Variants in KCNIP4 observed in about 807,000 individuals in gnomAD.
The protein encoded by KCNIP4 is Kv channel-interacting protein 4.
Under a neutral mutation model 34.0 loss-of-function variants are expected in KCNIP4, and 12 were observed. That is an observed-to-expected ratio of 0.35 (90% CI 0.23 to 0.57). The LOEUF is 0.57. Among genes scored for constraint, KCNIP4 ranks in the 20% least tolerant of loss-of-function variants. The pLI is 0.83. For synonymous variants in KCNIP4, 124 were observed against 102.2 expected (o/e 1.21, Z -1.29); for missense variants, 238 against 311.7 (o/e 0.76, Z 1.78).
chr4:20,757,144 A>G (rs1408327388), intron 4 of KCNIP4, among the ~76,000 whole-genome samples: 2 of 152,128 alleles, frequency 1.3e-5, no homozygotes, highest in Non-Finnish European at 2.9e-5. Context: ...GGAATCCTGG[A>G]AGGTATCACA....
chr4:21,336,519 T>G (rs1716195172), intron 1 of KCNIP4, among the ~76,000 whole-genome samples: 1 of 152,174 alleles, frequency 6.6e-6, no homozygotes, highest in Non-Finnish European at 1.5e-5. Context: ...AACTCAGTAC[T>G]GTTAGACATT....
intron 1 of KCNIP4, among the ~76,000 whole-genome samples, chr4:21,315,615 C>T (rs1488252584): frequency 6.6e-6 from 1 of 152,086 alleles, no homozygotes; most frequent in Non-Finnish European, 1.5e-5. Context: ...CAGACAGTAC[C>T]AAATCGACAT....
At chr4:21,307,195 T>C (rs569596768) in intron 1 of KCNIP4, among the ~76,000 whole-genome samples, 1 of 152,262 alleles carries the variant, frequency 6.6e-6, no homozygotes, top group South Asian at 2.1e-4. Flanking sequence ...GATGTCAAAA[T>C]TACGGGTTCC....
chr4:21,931,306 T>C (rs989696839), intron 1 of KCNIP4, among the ~76,000 whole-genome samples: 3 of 151,740 alleles, frequency 2.0e-5, no homozygotes, highest in African/African-American at 4.8e-5. Flanking sequence ...TTAGGGTACA[T>C]GTGTACAACG....
At chr4:21,068,121 A>G (rs1275287273) in intron 1 of KCNIP4, among the ~76,000 whole-genome samples, 2 of 152,308 alleles carry the variant, frequency 1.3e-5, no homozygotes, top group Non-Finnish European at 2.9e-5. Flanking sequence ...ATTGATCACA[A>G]TGCTCCAAGG....
At chr4:21,375,269 G>A (rs1365867115) in intron 1 of KCNIP4, among the ~76,000 whole-genome samples, 1 of 130,776 alleles carries the variant, frequency 7.6e-6, no homozygotes, top group East Asian at 2.4e-4. Context: ...GTGTTCAATT[G>A]CATCCAAGAA....
At chr4:21,946,728 A>G (rs1172728862) in intron 1 of KCNIP4, among the ~76,000 whole-genome samples, 1 of 152,250 alleles carries the variant, frequency 6.6e-6, no homozygotes, top group Non-Finnish European at 1.5e-5. Flanking sequence ...TTCAAGAAAC[A>G]GGTGTCAAAT....
intron 1 of KCNIP4, among the ~76,000 whole-genome samples, chr4:21,784,012 C>T (rs1204901109): frequency 6.6e-6 from 1 of 151,808 alleles, no homozygotes; most frequent in Non-Finnish European, 1.5e-5. Context: ...CTACCTGAGG[C>T]TGGGTAATTT....
intron 1 of KCNIP4, among the ~76,000 whole-genome samples, chr4:21,383,505 A>C (rs1266504528): frequency 6.6e-6 from 1 of 151,620 alleles, no homozygotes; most frequent in Non-Finnish European, 1.5e-5. Flanking sequence ...AGACAAAAAA[A>C]AAAAAAAAAA....
chr4:20,922,248 T>C (rs1463850662), intron 1 of KCNIP4, among the ~76,000 whole-genome samples: 1 of 152,194 alleles, frequency 6.6e-6, no homozygotes. Flanking sequence ...GATTAGTATT[T>C]CTATCAGTAG....
chr4:20,730,514 A>G (rs1052353813), intron 8 of KCNIP4, among the ~76,000 whole-genome samples: 1 of 152,166 alleles, frequency 6.6e-6, no homozygotes, highest in Non-Finnish European at 1.5e-5. Context: ...AGACTTTTAT[A>G]CAGGTACAAG....
intron 1 of KCNIP4, among the ~76,000 whole-genome samples, chr4:21,103,733 C>T (rs562790192): frequency 1.6e-5 from 2 of 127,736 alleles, no homozygotes; most frequent in South Asian, 6.4e-4. Flanking sequence ...ATCCCTCCCC[C>T]CTCCCCCCAC....
intron 3 of KCNIP4, among the ~76,000 whole-genome samples, chr4:20,761,467 C>A (rs1423065390): frequency 6.6e-6 from 1 of 152,174 alleles, no homozygotes; most frequent in African/African-American, 2.4e-5. Flanking sequence ...AAACACTTTG[C>A]AGTTAGACCC....
At chr4:21,228,880 C>T (rs950829154) in intron 1 of KCNIP4, among the ~76,000 whole-genome samples, 6 of 152,158 alleles carry the variant, frequency 3.9e-5, no homozygotes, top group East Asian at 3.9e-4. Flanking sequence ...CTTCCAAGCC[C>T]GTTGTGATCA....
intron 1 of KCNIP4, among the ~76,000 whole-genome samples, chr4:21,874,568 G>A (rs1183300392): frequency 6.6e-6 from 1 of 152,146 alleles, no homozygotes; most frequent in Non-Finnish European, 1.5e-5. Flanking sequence ...GATAGCCACA[G>A]CTCTCTCCAG....
chr4:21,890,168 C>T (rs373408314), intron 1 of KCNIP4, among the ~76,000 whole-genome samples: 3 of 152,036 alleles, frequency 2.0e-5, no homozygotes, highest in African/African-American at 4.8e-5. Context: ...ATCATTCAGA[C>T]GCAAATGATA....
intron 1 of KCNIP4, among the ~76,000 whole-genome samples, chr4:20,945,428 G>A (rs554022883): frequency 9.9e-5 from 15 of 152,258 alleles, no homozygotes; most frequent in Non-Finnish European, 2.1e-4. Flanking sequence ...CTTTGTTTCC[G>A]TAACACTAAA....
At chr4:20,964,110 A>G (rs1252335631) in intron 1 of KCNIP4, among the ~76,000 whole-genome samples, 1 of 152,116 alleles carries the variant, frequency 6.6e-6, no homozygotes, top group Admixed American at 6.6e-5. Flanking sequence ...ACCTATAAGT[A>G]TTTTACATAC....
At chr4:21,742,972 G>C (rs1370896735) in intron 1 of KCNIP4, among the ~76,000 whole-genome samples, 1 of 152,092 alleles carries the variant, frequency 6.6e-6, no homozygotes, top group African/African-American at 2.4e-5. Context: ...CACTTAAAAT[G>C]TTATCTGTAG....
Sources: gnomAD v4.1 joint callset for allele counts (sites outside exome capture counted in the v4.1 genomes callset) on GRCh38, gnomAD v4.1.1 for gene constraint, MANE v1.5 for transcripts, NCBI Gene and HGNC (gene_info 2026-07-23, HGNC 2026-07-21) for gene names.